DEGS1: variants seen among roughly 807,000 people sequenced by gnomAD.
DEGS1 encodes the protein delta 4-desaturase, sphingolipid 1.
A neutral mutation model predicts 24.1 loss-of-function variants in DEGS1; 17 were observed. The observed-to-expected ratio is 0.70, with a 90% confidence interval of 0.48 to 1.06. The LOEUF is 1.06. Among genes scored for constraint, DEGS1 ranks in the 50% least tolerant of loss-of-function variants. DEGS1 has a pLI of 0.00. For synonymous variants in DEGS1, 134 were observed against 140.0 expected, an observed-to-expected ratio of 0.96 and a Z score of 0.30; for missense variants, 366 against 408.9, an observed-to-expected ratio of 0.90 and a Z score of 0.91.
intron 2 of DEGS1, 122 bp downstream of exon 2, chr1:224,190,441 T>A: frequency 1.2e-6 from 1 of 819,212 alleles, no homozygotes; most frequent in South Asian, 3.2e-5. Flanking sequence ...CACTGTAACC[T>A]CCACCTCCCG....
chr1:224,183,462 C>G (rs1658286696), intron 1 of DEGS1, 44 bp downstream of exon 1: 1 of 1,270,654 alleles, frequency 7.9e-7, no homozygotes, highest in African/African-American at 1.6e-5. Flanking sequence ...CGTGGCCTCC[C>G]GGCGCCGGGG....
chr1:224,183,316 C>T lies in DEGS1; in HGVS notation c.-21C>T, dbSNP rs371607507. 2.3e-5 allele frequency: 34 copies of T among 1,479,502 alleles called. No homozygotes were observed. The African/African-American group carries it at 4.4e-4, about 19-fold the overall frequency. 91.6% of individuals were successfully genotyped at this position (1,479,502 alleles called of 1,614,324 possible). A position where few individuals can be genotyped will look rare whatever the true frequency, so the allele number is the denominator to read the frequency against. On this transcript the variant is annotated 5_prime_UTR_variant, in exon 1 of 3. Transcript: ENST00000323699. ...CTGGGAGCGAGAGCCGACAGCTAGTCTGCAAGCCACCGCTGTCGCCATGGG... is the reference window on the plus strand; with the variant it reads ...CTGGGAGCGAGAGCCGACAGCTAGTTTGCAAGCCACCGCTGTCGCCATGGG...
rs976546266 is a variant in DEGS1 at position 224,183,340 on chromosome 1, G to A, written c.4G>A (p.Gly2Arg). M[G>R]SRVSREDFEW... is the part of the protein sequence containing the mutation. ...TCTGCAAGCCACCGCTGTCGCCATGGGGAGCCGCGTCTCGCGGGAAGACTT... is the reference window on the plus strand; with the variant it reads ...TCTGCAAGCCACCGCTGTCGCCATGAGGAGCCGCGTCTCGCGGGAAGACTT... The change falls in exon 1 of 3, where the codon GGG (glycine) becomes AGG (arginine). Residue 2 changes from glycine to arginine, a missense_variant. Coordinates refer to ENST00000323699, the MANE Select transcript of DEGS1 (RefSeq NM_003676.4). 1.4e-6 allele frequency: 2 copies of A among 1,480,128 alleles called. No individual in the cohort carries two copies. The highest frequency in any genetic ancestry group is 2.9e-5 in the African/African-American group (2 of 68,238). 91.7% of individuals were successfully genotyped at this position (1,480,128 alleles called of 1,614,324 possible).
chr1:224,186,152 A>T (rs547776863), intron 1 of DEGS1, among the ~76,000 whole-genome samples: 312 of 152,178 alleles, frequency 2.1e-3, no homozygotes, highest in African/African-American at 7.0e-3. Context: ...AAAAAAAAAA[A>T]ATTTAATTAG....
At chr1:224,185,381 G>A (rs746868056) in intron 1 of DEGS1, among the ~76,000 whole-genome samples, 1 of 152,200 alleles carries the variant, frequency 6.6e-6, no homozygotes, top group Admixed American at 6.5e-5. Context: ...GCCCAAGCTG[G>A]AGTGCGGTGG....
In DEGS1 at chr1:224,189,914, C is replaced by T. The variant is rs371144296; in HGVS notation, c.420C>T (p.Val140=). 6.8e-5 allele frequency: 109 copies of T among 1,614,016 alleles called. No individual in the cohort carries two copies. Among genetic ancestry groups the T allele is most frequent in the Admixed American group, 1.7e-4 (10 of 59,992 alleles). ...DHHRYLGADG[V]DVDIPTDFEG... ...ATCGGTACCTTGGAGCTGATGGCGT[C>T]GATGTAGATATTCCTACCGATTTTG... Residue 140 remains valine, a synonymous_variant, in exon 2 of 3, where the codon GTC becomes GTT. Transcript: ENST00000323699.
chr1:224,190,426 C>A, intron 2 of DEGS1, 107 bp downstream of exon 2: 1 of 999,984 alleles, frequency 1.0e-6, no homozygotes, highest in Non-Finnish European at 1.4e-6. Flanking sequence ...GGCACGATCT[C>A]GGCTCACTGT....
Position 224,192,841 on chromosome 1 carries a change from G to A in DEGS1, c.*363G>A. The A allele has an allele frequency of 5.1e-6, 1 of 195,056 alleles. No individual in the cohort carries two copies. Among genetic ancestry groups the A allele is most frequent in the South Asian group, 8.3e-5 (1 of 12,078 alleles). 12.1% of individuals were successfully genotyped at this position (195,056 alleles called of 1,614,324 possible). On this transcript the variant is annotated 3_prime_UTR_variant, in exon 3 of 3. Transcript: ENST00000323699. The stretch of plus-strand genomic sequence containing the variant: ...GGCCAAGGTGGGTGGATCACCTGAG[G>A]TCAGGAGTTCGAGACCAGCCTGGCC...
chr1:224,185,599 A>T (rs1558208341), intron 1 of DEGS1, among the ~76,000 whole-genome samples: 1 of 152,184 alleles, frequency 6.6e-6, no homozygotes, highest in African/African-American at 2.4e-5. Flanking sequence ...TCCTGGGTTC[A>T]AGCAGTTCTG....
intron 1 of DEGS1, among the ~76,000 whole-genome samples, chr1:224,184,016 G>A (rs1572039236): frequency 6.6e-6 from 1 of 152,242 alleles, no homozygotes; most frequent in African/African-American, 2.4e-5. Flanking sequence ...GCCCCCCGGG[G>A]CTTCTCGGAC....
At chr1:224,185,984 T>G (rs1456133835) in intron 1 of DEGS1, among the ~76,000 whole-genome samples, 1 of 152,034 alleles carries the variant, frequency 6.6e-6, no homozygotes, top group Non-Finnish European at 1.5e-5. Flanking sequence ...GAAGATCGCT[T>G]GAGGCCAGTT....
At position 224,189,912 on chromosome 1, in the gene DEGS1, G is replaced by T; in HGVS notation, c.418G>T (p.Val140Phe). The T allele has an allele frequency of 6.2e-7, 1 of 1,614,170 alleles. No individual in the cohort carries two copies. The highest frequency in any genetic ancestry group is 8.5e-7 in the Non-Finnish European group (1 of 1,180,032). Residue 140 changes from valine (V) to phenylalanine (F), a missense_variant, in exon 2 of 3, where the codon GTC (valine) becomes TTC (phenylalanine). Transcript: ENST00000323699. ...TCATCGGTACCTTGGAGCTGATGGC[G>T]TCGATGTAGATATTCCTACCGATTT... ...DHHRYLGADG[V>F]DVDIPTDFEG...
At chr1:224,186,153 A>AT (rs1158871226) in intron 1 of DEGS1, among the ~76,000 whole-genome samples, 1 of 151,968 alleles carries the variant, frequency 6.6e-6, no homozygotes, top group African/African-American at 2.4e-5. Flanking sequence ...AAAAAAAAAA[A>AT]TTTAATTAGC....
chr1:224,190,177 A>G lies in DEGS1; in HGVS notation c.683A>G (p.His228Arg). The change falls in exon 2 of 3, where the codon CAT becomes CGT. Residue 228 changes from histidine (H) to arginine (R), a missense_variant. Physicochemically the swap from His to Arg is conservative, Grantham distance 29 (BLOSUM62 0). Coordinates refer to ENST00000323699, the MANE Select transcript of DEGS1 (RefSeq NM_003676.4). ...LGLGLHPISG[H>R]FIAEHYMFLK... ...CTGGGTTTGCACCCAATTTCTGGAC[A>G]TTTTATAGCTGAGCATTACATGTTC... The G allele has an allele frequency of 6.3e-7, 1 of 1,579,816 alleles. No homozygotes were observed. The highest frequency in any genetic ancestry group is 8.6e-7 in the Non-Finnish European group (1 of 1,165,504).
intron 1 of DEGS1, among the ~76,000 whole-genome samples, chr1:224,185,955 C>G (rs954503317): frequency 1.3e-5 from 2 of 152,032 alleles, no homozygotes; most frequent in Non-Finnish European, 2.9e-5. Context: ...AATCCGAGCA[C>G]TTTGAGAAGC....
intron 1 of DEGS1, among the ~76,000 whole-genome samples, chr1:224,184,023 G>C (rs1057219054): frequency 1.3e-5 from 2 of 152,224 alleles, no homozygotes; most frequent in Non-Finnish European, 2.9e-5. Context: ...GGGGCTTCTC[G>C]GACTTGATGG....
In DEGS1 at chr1:224,190,223, C is replaced by A; in HGVS notation, c.729C>A (p.Tyr243Ter). ...TGTTCTTAAAGGGTCATGAAACTTA[C>A]TCATATTATGGGCCTCTGAATTTAC... ...HYMFLKGHET[Y>*]SYYGPLNLLT... The change falls in exon 2 of 3, where the codon TAC becomes TAA. Residue 243 changes from tyrosine to a stop codon, truncating the protein, a stop_gained. Transcript: ENST00000323699. LOFTEE classifies it high-confidence loss of function. 2.0e-6 allele frequency: 3 copies of A among 1,525,666 alleles called. No individual in the cohort carries two copies. The highest frequency in any genetic ancestry group is 2.6e-6 in the Non-Finnish European group (3 of 1,140,226). The allele number at this position is 1,525,666 out of a possible 1,614,324, so 94.5% of individuals were successfully genotyped here. A position where few individuals can be genotyped will look rare whatever the true frequency, so the allele number is the denominator to read the frequency against.
At chr1:224,186,566 A>T (rs774508508) in intron 1 of DEGS1, among the ~76,000 whole-genome samples, 5 of 152,044 alleles carry the variant, frequency 3.3e-5, no homozygotes, top group Non-Finnish European at 5.9e-5. Context: ...ACAAAAAATT[A>T]GCCGGGCGTG....
intron 1 of DEGS1, among the ~76,000 whole-genome samples, chr1:224,186,788 G>A (rs927613103): frequency 6.6e-6 from 1 of 151,848 alleles, no homozygotes; most frequent in Non-Finnish European, 1.5e-5. Flanking sequence ...TTCCATGCAG[G>A]TGTAAATACT....
Sources: allele counts gnomAD v4.1 joint callset (sites outside exome capture counted in the v4.1 genomes callset), GRCh38; gene constraint gnomAD v4.1.1; transcripts MANE v1.5; gene names NCBI Gene and HGNC (gene_info 2026-07-23, HGNC 2026-07-21).